Variants in MROH1 observed in about 807,000 individuals in gnomAD.
The protein encoded by MROH1 is maestro heat-like repeat-containing protein family member 1.
In MROH1, 117 loss-of-function variants were observed where a neutral mutation model predicts 116.5. That is an observed-to-expected ratio of 1.00 (90% CI 0.86 to 1.17). The LOEUF is 1.17. MROH1 is among the 50% of genes most tolerant of loss of function. The pLI is 0.00. For missense variants in MROH1, 1,873 were observed against 1,338.5 expected, an observed-to-expected ratio of 1.40 and a Z score of -6.23; for synonymous variants, 921 against 583.9, an observed-to-expected ratio of 1.58 and a Z score of -8.32.
At chr8:144,244,136 G>A (rs945032908) in intron 26 of MROH1, 86 bp from the exon 27 acceptor site, 12 of 703,468 alleles carry the variant, frequency 1.7e-5, no homozygotes, top group Non-Finnish European at 2.6e-5. Flanking sequence ...GGCAGTGGCT[G>A]TGCTGCCCAC....
intron 12 of MROH1, among the ~76,000 whole-genome samples, chr8:144,208,580 T>G (rs1012835073): frequency 6.6e-6 from 1 of 152,092 alleles, no homozygotes; most frequent in African/African-American, 2.4e-5. Flanking sequence ...CAGTAACTAT[T>G]TCCAAATAAG....
chr8:144,151,740 T>C (rs985444755), intron 1 of MROH1, among the ~76,000 whole-genome samples: 42 of 152,324 alleles, frequency 2.8e-4, no homozygotes, highest in African/African-American at 9.6e-4. Context: ...CCACTGGGGC[T>C]TCAGGTGTAA....
At position 144,229,582 on chromosome 8, in the gene MROH1, G is replaced by A. The variant is rs1013096013; in HGVS notation, c.1338+6352G>A. Reference sequence around the variant, plus strand: ...GTTTTGTCTTGTTTTTTTAAAGATAGGTTTTGCTATGTTGCCCAGGTTGGT... The same window carrying A: ...GTTTTGTCTTGTTTTTTTAAAGATAAGTTTTGCTATGTTGCCCAGGTTGGT... On this transcript the variant is annotated intron_variant, in intron 14 of 43. Coordinates refer to ENST00000326134, the MANE Select transcript of MROH1 (RefSeq NM_032450.3). Among the ~76,000 whole-genome samples the A allele has an allele frequency of 4.6e-5, 7 of 151,974 alleles. No individual in the cohort carries two copies. In the South Asian group the frequency reaches 1.5e-3, roughly 32 times the overall value.
intron 32 of MROH1, 62 bp downstream of exon 32, chr8:144,249,091 G>A (rs1452555045): frequency 1.6e-5 from 11 of 706,844 alleles, no homozygotes; most frequent in Middle Eastern, 3.6e-4. Flanking sequence ...GCGGTGGGAC[G>A]GGCAGGGCAG....
chr8:144,171,487 C>T (rs1352498874), intron 4 of MROH1, among the ~76,000 whole-genome samples: 4 of 152,158 alleles, frequency 2.6e-5, no homozygotes, highest in South Asian at 2.1e-4. Context: ...CTCAGTTGCG[C>T]TCATGCTCAC....
chr8:144,199,259 C>T, intron 11 of MROH1, 59 bp downstream of exon 11: 1 of 1,521,368 alleles, frequency 6.6e-7, no homozygotes, highest in South Asian at 1.2e-5. Context: ...GGGTCACTGC[C>T]TGCTGTATGT....
intron 4 of MROH1, among the ~76,000 whole-genome samples, chr8:144,170,744 G>A (rs944084693): frequency 6.6e-6 from 1 of 152,210 alleles, no homozygotes; most frequent in Admixed American, 6.5e-5. Context: ...TGAACCCAGA[G>A]GCCCATGACT....
At chr8:144,255,859 G>T (rs980222841) in intron 35 of MROH1, among the ~76,000 whole-genome samples, 154 bp downstream of exon 35, 13 of 152,236 alleles carry the variant, frequency 8.5e-5, no homozygotes, top group Non-Finnish European at 1.5e-5. Context: ...CAGGTGCAGG[G>T]CTGAGCTGTC....
At chr8:144,254,692 G>GC in intron 33 of MROH1, 121 bp from the exon 34 acceptor site, 2 of 617,570 alleles carry the variant, frequency 3.2e-6, no homozygotes, top group Non-Finnish European at 5.8e-6. Flanking sequence ...CCAGCTGGCT[G>GC]CAGCTGAGCC....
rs1001097951 is a variant in MROH1, at chr8:144,261,110, C to T, written c.4672-4C>T. ...CAGGCGGCACTGACCAGGCCTCTCCCCAGATGCACCATTTCCCAGACCTGC... is the reference window on the plus strand; with the variant it reads ...CAGGCGGCACTGACCAGGCCTCTCCTCAGATGCACCATTTCCCAGACCTGC... On this transcript the variant is annotated splice_polypyrimidine_tract_variant and splice_region_variant and intron_variant, in intron 41 of 43. Coordinates refer to ENST00000326134, the MANE Select transcript of MROH1 (RefSeq NM_032450.3). The T allele has an allele frequency of 6.4e-6, 5 of 775,200 alleles. No individual in the cohort carries two copies. The highest frequency in any genetic ancestry group is 9.6e-6 in the Non-Finnish European group (4 of 417,656). 48.0% of individuals were successfully genotyped at this position (775,200 alleles called of 1,614,324 possible). A position where few individuals can be genotyped will look rare whatever the true frequency, so the allele number is the denominator to read the frequency against.
chr8:144,190,123 C>G (rs1828190015), intron 7 of MROH1, among the ~76,000 whole-genome samples: 1 of 152,244 alleles, frequency 6.6e-6, no homozygotes, highest in Admixed American at 6.5e-5. Context: ...TCGCCCCAGT[C>G]TGTGCCTCCA....
At position 144,244,322 on chromosome 8, in the gene MROH1, G is replaced by A. The variant is rs1333896018; in HGVS notation, c.2656G>A (p.Gly886Arg). 2.1e-5 allele frequency: 15 copies of A among 720,124 alleles called. No homozygotes were observed. Among genetic ancestry groups the A allele is most frequent in the South Asian group, 1.0e-4 (7 of 67,672 alleles). 44.6% of individuals were successfully genotyped at this position (720,124 alleles called of 1,614,324 possible). The stretch of plus-strand genomic sequence containing the variant: ...GCTGCCTGAGCCCAAGGAGGAGGAC[G>A]GAGGCTGCCAGAAGGTATCCCTGTG... The part of the protein sequence containing the change: ...ALLPEPKEED[G>R]GCQKSLYLET... Residue 886 changes from glycine to arginine, a missense_variant, in exon 27 of 44, where the codon GGA (glycine) becomes AGA (arginine). Coordinates refer to ENST00000326134, the MANE Select transcript of MROH1 (RefSeq NM_032450.3).
intron 14 of MROH1, among the ~76,000 whole-genome samples, chr8:144,234,961 C>T (rs184708373): frequency 3.5e-3 from 506 of 144,738 alleles, no homozygotes; most frequent in Non-Finnish European, 5.9e-3. Flanking sequence ...GGCACCCTCT[C>T]GGCTCACTGT....
At chr8:144,154,943 G>A (rs976724672) in intron 1 of MROH1, among the ~76,000 whole-genome samples, 12 of 152,094 alleles carry the variant, frequency 7.9e-5, no homozygotes, top group Non-Finnish European at 1.6e-4. Flanking sequence ...TCAGCCTCCC[G>A]AGTAGCTGGG....
In MROH1 at chr8:144,244,550, G is replaced by A; in HGVS notation, c.2766+11G>A. The A allele has an allele frequency of 1.3e-6, 1 of 748,680 alleles. No individual in the cohort carries two copies. Among genetic ancestry groups the A allele is most frequent in the South Asian group, 1.4e-5 (1 of 69,998 alleles). 46.4% of individuals were successfully genotyped at this position (748,680 alleles called of 1,614,324 possible). Reference sequence around the variant, plus strand: ...CAGATCATGATTGAGGTGTGCAGGGGGGAACTGTCATGGGGATGGGGATGG... The same window carrying A: ...CAGATCATGATTGAGGTGTGCAGGGAGGAACTGTCATGGGGATGGGGATGG... On this transcript the variant is annotated intron_variant, in intron 28 of 43. Coordinates refer to ENST00000326134, the MANE Select transcript of MROH1 (RefSeq NM_032450.3).
At position 144,261,833 on chromosome 8, in the gene MROH1, C is replaced by T. The variant is rs1161987708; in HGVS notation, c.*93C>T. The T allele has an allele frequency of 7.7e-5, 54 of 699,228 alleles. No individual in the cohort carries two copies. The highest frequency in any genetic ancestry group is 3.6e-4 in the Middle Eastern group (1 of 2,742). The allele number at this position is 699,228 out of a possible 1,614,324, so 43.3% of individuals were successfully genotyped here. ...TCCTGAGGACCACAGCCTGGGCACACGACTGGAGGGGCCTGGCCCCAGAAC... is the reference window on the plus strand; with the variant it reads ...TCCTGAGGACCACAGCCTGGGCACATGACTGGAGGGGCCTGGCCCCAGAAC... On this transcript the variant is annotated 3_prime_UTR_variant, in exon 44 of 44. Coordinates refer to ENST00000326134, the MANE Select transcript of MROH1 (RefSeq NM_032450.3).
intron 29 of MROH1, among the ~76,000 whole-genome samples, chr8:144,246,804 TAGG>T (rs1217411766): frequency 1.3e-5 from 2 of 151,874 alleles, no homozygotes; most frequent in Non-Finnish European, 2.9e-5. Context: ...GGTGTGGAAG[TAGG>T]AGGAAGCTGT....
At chr8:144,149,651 C>T (rs1350713158) in intron 1 of MROH1, among the ~76,000 whole-genome samples, 2 of 152,134 alleles carry the variant, frequency 1.3e-5, no homozygotes, top group African/African-American at 4.8e-5. Flanking sequence ...CTGTCTGTGC[C>T]GGTCCACCCA....
At position 144,199,126 on chromosome 8, in the gene MROH1, G is replaced by C. The variant is rs1334231202; in HGVS notation, c.953G>C (p.Cys318Ser). ...TCGGCCCCGTTCCTGGAGCAGATCT[G>C]TGTGCCTGTGGAGTCCTCAAGCCCC... Reference protein sequence around the residue: ...ALLAALHSQICVPVESSSPLV... With the variant: ...ALLAALHSQISVPVESSSPLV... Residue 318 changes from cysteine (C) to serine (S), a missense_variant, in exon 11 of 44, where the codon TGT (cysteine) becomes TCT (serine). Coordinates refer to ENST00000326134, the MANE Select transcript of MROH1 (RefSeq NM_032450.3). The C allele has an allele frequency of 2.5e-6, 4 of 1,613,668 alleles. No homozygotes were observed. The highest frequency in any genetic ancestry group is 3.4e-6 in the Non-Finnish European group (4 of 1,179,754).
Sources: gnomAD v4.1 joint callset for allele counts (sites outside exome capture counted in the v4.1 genomes callset) on GRCh38, gnomAD v4.1.1 for gene constraint, MANE v1.5 for transcripts, NCBI Gene and HGNC (gene_info 2026-07-23, HGNC 2026-07-21) for gene names.